Variants in MPG observed in about 807,000 individuals in gnomAD.
The protein encoded by MPG is N-methylpurine DNA glycosylase.
Under a neutral mutation model 31.7 loss-of-function variants are expected in MPG, and 33 were observed. The observed-to-expected ratio is 1.04, with a 90% CI of 0.79 to 1.39. MPG has a LOEUF of 1.39. MPG is among the 40% of genes most tolerant of loss of function. The probability of loss-of-function intolerance (pLI) is 0.00; values close to 1 mark genes in which losing one functional copy is unlikely to be tolerated. For synonymous variants in MPG, 202 were observed against 169.2 expected (o/e 1.19, Z -1.51); for missense variants, 455 against 415.5 (o/e 1.10, Z -0.83).
intron 1 of MPG, chr16:78,995 G>C: frequency 3.6e-6 from 5 of 1,383,236 alleles, no homozygotes; most frequent in Non-Finnish European, 4.7e-6. Context: ...CTAAGATCCT[G>C]TGTTTTGAAT....
Position 83,125 on chromosome 16 carries a change from C to T in MPG, c.374C>T (p.Pro125Leu), listed in dbSNP as rs1329611401. 3 of 1,613,028 alleles carry T rather than the reference C, an allele frequency of 1.9e-6. No individual in the cohort carries two copies. In the Admixed American group the frequency reaches 5.0e-5, roughly 27 times the overall value. The change falls in exon 3 of 4, where the codon CCA (proline) becomes CTA (leucine). Residue 125 changes from proline (P) to leucine (L), a missense_variant. Physicochemically the swap from Pro to Leu is moderately conservative, Grantham distance 98. Transcript: ENST00000356432. ...GTGGAGACCGAGGCATACCTGGGGC[C>T]AGAGGATGAAGCCGCCCACTCAAGG... ...RIVETEAYLG[P>L]EDEAAHSRGG...
chr16:78,654 C>T (rs548984184), intron 1 of MPG, among the ~76,000 whole-genome samples: 2 of 152,354 alleles, frequency 1.3e-5, no homozygotes, highest in African/African-American at 2.4e-5. Context: ...GCATCTCTCC[C>T]ATGCCAGGAG....
chr16:82,028 G>A (rs113200673), intron 2 of MPG, among the ~76,000 whole-genome samples: 7,623 of 51,320 alleles, frequency 0.15, 1 homozygote, highest in Middle Eastern at 0.28. Context: ...TGCTCCCCAC[G>A]CTGGCCCCTT....
At chr16:81,686 A>G (rs112227471) in intron 2 of MPG, among the ~76,000 whole-genome samples, 1,981 of 24,218 alleles carry the variant, frequency 0.082, 234 homozygotes, top group African/African-American at 0.15. Flanking sequence ...TGCTCCCCAC[A>G]CTGACCCCTT....
chr16:79,001 T>C (rs2141881952), intron 1 of MPG: 4 of 1,388,912 alleles, frequency 2.9e-6, no homozygotes, highest in East Asian at 2.7e-5. Flanking sequence ...TCCTGTGTTT[T>C]GAATTCTGGC....
At chr16:79,896 T>A in intron 2 of MPG, 196 bp downstream of exon 2, 1 of 674,730 alleles carries the variant, frequency 1.5e-6, no homozygotes, top group Non-Finnish European at 2.5e-6. Flanking sequence ...ATGTAGAGAT[T>A]GTCAGTGCTG....
upstream of MPG, chr16:78,146 G>A: frequency 2.1e-6 from 1 of 471,288 alleles, no homozygotes; most frequent in South Asian, 5.8e-5. Flanking sequence ...CCCGCCCCGG[G>A]GGCGCAGCCA....
intron 2 of MPG, among the ~76,000 whole-genome samples, chr16:80,615 C>T (rs1160065314): frequency 2.0e-5 from 3 of 152,020 alleles, no homozygotes; most frequent in East Asian, 1.9e-4. Context: ...TTGAGACCAG[C>T]CTGACCAACA....
In MPG at chr16:82,986, T is replaced by C. The variant is rs1364826616; in HGVS notation, c.301-66T>C. ...TGAGCTGGGGAGATGAGGTCCAGGC[T>C]GGGCACTGTTAGGGTGAGTGGACCC... is the stretch of plus-strand genomic sequence containing the variant. On this transcript the variant is annotated intron_variant, in intron 2 of 3. Coordinates refer to ENST00000356432, the MANE Select transcript of MPG (RefSeq NM_001015052.3). 2.1e-6 allele frequency: 3 copies of C among 1,409,400 alleles called. No individual in the cohort carries two copies. The African/African-American group carries it at 4.3e-5, about 20-fold the overall frequency. 87.3% of individuals were successfully genotyped at this position (1,409,400 alleles called of 1,614,324 possible).
rs1419458202 is a variant in MPG, at chr16:81,555, G to A, written c.301-1497G>A. Among the ~76,000 whole-genome samples the A allele has an allele frequency of 3.6e-3, 11 of 3,058 alleles. 2 individuals are homozygous for A. The highest frequency in any genetic ancestry group is 6.6e-3 in the African/African-American group (7 of 1,054). 2.0% of individuals were successfully genotyped at this position (3,058 alleles called of 152,430 possible). A position where few individuals can be genotyped will look rare whatever the true frequency, so the allele number is the denominator to read the frequency against. On this transcript the variant is annotated intron_variant, in intron 2 of 3. Coordinates refer to ENST00000356432, the MANE Select transcript of MPG (RefSeq NM_001015052.3). ...TGGCTCTGGATGCCTAAGGATTTCT[G>A]GGCTTCCCGCCCAGGCACTGACCCC...
intron 2 of MPG, among the ~76,000 whole-genome samples, chr16:81,624 C>CCCGCGCTGACCCCTTCTT: frequency 6.8e-6 from 1 of 147,042 alleles, no homozygotes; most frequent in African/African-American, 2.7e-5. Context: ...CTGAATGCTC[C>CCCGCGCTGACCCCTTCTT]CCACACTGAC....
chr16:78,624 G>T (rs1898156297), intron 1 of MPG, among the ~76,000 whole-genome samples: 1 of 152,236 alleles, frequency 6.6e-6, no homozygotes. Context: ...ATTAACGTCA[G>T]CACTCCCGTT....
chr16:81,382 C>G (rs981708893), intron 2 of MPG, among the ~76,000 whole-genome samples: 10 of 152,286 alleles, frequency 6.6e-5, no homozygotes, highest in East Asian at 1.9e-4. Context: ...TTGGGCCCCC[C>G]CAGTGTGCCC....
chr16:82,939 G>A lies in MPG; in HGVS notation c.301-113G>A, dbSNP rs1286640264. 1.4e-5 allele frequency: 13 copies of A among 905,106 alleles called. 1 individual carries two copies. Among genetic ancestry groups the A allele is most frequent in the Non-Finnish European group, 2.2e-5 (13 of 593,346 alleles). 56.1% of individuals were successfully genotyped at this position (905,106 alleles called of 1,614,324 possible). On this transcript the variant is annotated intron_variant, in intron 2 of 3. Coordinates refer to ENST00000356432, the MANE Select transcript of MPG (RefSeq NM_001015052.3). The stretch of plus-strand genomic sequence containing the variant: ...GGAGACGGGGCAAGGTCCCTGGCTA[G>A]ACCTGGGCGGCTGACACACCCTGAG...
chr16:85,405 C>G lies in MPG; in HGVS notation c.510C>G (p.Asp170Glu). The part of the protein sequence containing the change: ...YFCMNISSQG[D>E]GACVLLRALE... ...TCCAAACTGTCCGTCCCACAGGGGACGGGGCTTGCGTCTTGCTGCGAGCAC... is the reference window on the plus strand; with the variant it reads ...TCCAAACTGTCCGTCCCACAGGGGAGGGGGCTTGCGTCTTGCTGCGAGCAC... The change falls in exon 4 of 4, where the codon GAC becomes GAG. Residue 170 changes from aspartate (D) to glutamate (E), a missense_variant. By Grantham distance (45) the Asp-to-Glu change is conservative. Coordinates refer to ENST00000356432, the MANE Select transcript of MPG (RefSeq NM_001015052.3). The G allele has an allele frequency of 1.2e-6, 2 of 1,602,648 alleles. No individual in the cohort carries two copies. Among genetic ancestry groups the G allele is most frequent in the Non-Finnish European group, 1.7e-6 (2 of 1,173,960 alleles).
upstream of MPG, chr16:78,029 A>C: frequency 3.6e-6 from 1 of 279,808 alleles, no homozygotes. Context: ...CCCCACCCCC[A>C]GGTGCCCCTT....
In MPG at chr16:79,663, AG is replaced by A; in HGVS notation, c.264del (p.Gln88HisfsTer15). 1.3e-6 allele frequency: 2 copies of A among 1,569,316 alleles called. No individual in the cohort carries two copies. Among genetic ancestry groups the A allele is most frequent in the Non-Finnish European group, 1.7e-6 (2 of 1,156,162 alleles). On this transcript the variant is annotated frameshift_variant, in exon 2 of 4. Transcript: ENST00000356432. LOFTEE classifies it high-confidence loss of function. ...CGACTGGGGTTGGAGTTCTTCGACC[AG>A]CCGGCAGTCCCCCTGGCCCGGGCAT... ...LTRLGLEFFD[Q>X]PAVPLARAFL...
intron 2 of MPG, among the ~76,000 whole-genome samples, chr16:82,487 G>C (rs1056975729): frequency 6.6e-6 from 1 of 152,234 alleles, no homozygotes; most frequent in Non-Finnish European, 1.5e-5. Flanking sequence ...CATGGTCCAG[G>C]CTGGGGCACC....
At chr16:77,135 TC>T (rs2141879672), upstream of MPG, 1 of 152,392 alleles carries the variant, frequency 6.6e-6, no homozygotes, top group East Asian at 1.9e-4. Context: ...GGTGCTCCTT[TC>T]CAGGACCAGG....
Sources: gnomAD v4.1 joint callset for allele counts (sites outside exome capture counted in the v4.1 genomes callset) on GRCh38, gnomAD v4.1.1 for gene constraint, MANE v1.5 for transcripts, NCBI Gene and HGNC (gene_info 2026-07-23, HGNC 2026-07-21) for gene names.